MDFIC2: variants seen among roughly 807,000 people sequenced by gnomAD.
MDFIC2 encodes the protein MyoD family inhibitor domain containing 2.
At chr3:70,286,363 A>G (rs1449875927) in intron 2 of MDFIC2, among the ~76,000 whole-genome samples, 5 of 151,986 alleles carry the variant, frequency 3.3e-5, no homozygotes, top group African/African-American at 9.7e-5. Flanking sequence ...AAGATCAGAT[A>G]GTTGTAGATA....
At chr3:70,207,177 A>ATTGCCCAC (rs1701299324) in intron 2 of MDFIC2, among the ~76,000 whole-genome samples, 1 of 152,056 alleles carries the variant, frequency 6.6e-6, no homozygotes, top group Non-Finnish European at 1.5e-5. Context: ...TGTGGTGGGC[A>ATTGCCCAC]ATACTGCTGA....
chr3:70,236,299 C>T (rs1018918084), intron 2 of MDFIC2, among the ~76,000 whole-genome samples: 13 of 152,156 alleles, frequency 8.5e-5, no homozygotes, highest in Non-Finnish European at 1.8e-4. Context: ...AAACTCCCTG[C>T]ACTTAAAAAA....
At chr3:70,225,654 ACT>A (rs1209446493) in intron 2 of MDFIC2, among the ~76,000 whole-genome samples, 2 of 152,266 alleles carry the variant, frequency 1.3e-5, no homozygotes, top group African/African-American at 4.8e-5. Flanking sequence ...CACAAGAAAC[ACT>A]GTTTCCCTTC....
chr3:70,221,459 G>A (rs1199466812), intron 2 of MDFIC2, among the ~76,000 whole-genome samples: 2 of 152,040 alleles, frequency 1.3e-5, no homozygotes, highest in Non-Finnish European at 2.9e-5. Context: ...TTGAATTTGG[G>A]CATTTGGATT....
chr3:70,298,180 G>T (rs899991126), intron 2 of MDFIC2, among the ~76,000 whole-genome samples: 26 of 152,020 alleles, frequency 1.7e-4, no homozygotes, highest in Non-Finnish European at 1.3e-4. Flanking sequence ...TAGGTTTGCA[G>T]GTTTTTGATC....
At chr3:70,251,919 A>G (rs1207017282) in intron 2 of MDFIC2, among the ~76,000 whole-genome samples, 2 of 152,234 alleles carry the variant, frequency 1.3e-5, no homozygotes, top group African/African-American at 4.8e-5. Flanking sequence ...TTACACTGTA[A>G]TTATGGCAAT....
At chr3:70,300,239 T>C (rs1004042298) in intron 2 of MDFIC2, among the ~76,000 whole-genome samples, 5 of 152,130 alleles carry the variant, frequency 3.3e-5, no homozygotes, top group African/African-American at 1.2e-4. Flanking sequence ...GAAACGCCCT[T>C]GCCCTTGAGT....
At chr3:70,283,665 T>G (rs551146854) in intron 2 of MDFIC2, 1 of 152,094 alleles carries the variant, frequency 6.6e-6, no homozygotes, top group East Asian at 1.9e-4. Flanking sequence ...GGAGCTATTT[T>G]CACAATAACA....
intron 2 of MDFIC2, among the ~76,000 whole-genome samples, chr3:70,211,206 C>T (rs1039783536): frequency 6.6e-6 from 1 of 150,616 alleles, no homozygotes; most frequent in Non-Finnish European, 1.5e-5. Flanking sequence ...TTCCTTTCCC[C>T]CTTCCTTTCA....
intron 1 of MDFIC2, among the ~76,000 whole-genome samples, chr3:70,312,280 C>T (rs1228151994): frequency 1.3e-5 from 2 of 152,154 alleles, no homozygotes. Context: ...AAGAAACAAA[C>T]AAACATTCAG....
intron 2 of MDFIC2, among the ~76,000 whole-genome samples, chr3:70,306,683 A>T (rs1429154569): frequency 6.6e-6 from 1 of 152,164 alleles, no homozygotes; most frequent in Non-Finnish European, 1.5e-5. Flanking sequence ...AGAAGATTGC[A>T]AAACTACTGC....
intron 2 of MDFIC2, among the ~76,000 whole-genome samples, chr3:70,233,130 A>G (rs1701576987): frequency 1.3e-5 from 2 of 152,208 alleles, no homozygotes; most frequent in Admixed American, 1.3e-4. Context: ...CAGAGTTTGC[A>G]GTGAGCCAAG....
chr3:70,280,698 C>T (rs1191152952), intron 2 of MDFIC2, among the ~76,000 whole-genome samples: 2 of 152,120 alleles, frequency 1.3e-5, no homozygotes, highest in East Asian at 1.9e-4. Flanking sequence ...CAAGGCAGGT[C>T]TCCAAAGCCA....
chr3:70,215,080 T>A (rs1332874669), intron 2 of MDFIC2, among the ~76,000 whole-genome samples: 2 of 152,148 alleles, frequency 1.3e-5, no homozygotes, highest in Non-Finnish European at 2.9e-5. Context: ...ATATTCTCTA[T>A]TATGTTAAAA....
intron 2 of MDFIC2, among the ~76,000 whole-genome samples, chr3:70,212,674 A>G (rs902980134): frequency 6.6e-6 from 1 of 152,142 alleles, no homozygotes; most frequent in Non-Finnish European, 1.5e-5. Flanking sequence ...AATCAAAATT[A>G]TACTTTGGAC....
chr3:70,218,273 C>T (rs533786026), intron 2 of MDFIC2, among the ~76,000 whole-genome samples: 22 of 152,226 alleles, frequency 1.4e-4, no homozygotes, highest in South Asian at 6.2e-4. Flanking sequence ...TGTTTTATAA[C>T]GTATAGTACA....
chr3:70,199,284 A>G (rs1247822152), intron 3 of MDFIC2, among the ~76,000 whole-genome samples: 1 of 152,004 alleles, frequency 6.6e-6, no homozygotes, highest in East Asian at 1.9e-4. Flanking sequence ...AGAGTGTACA[A>G]CCTTTTGGTT....
intron 2 of MDFIC2, among the ~76,000 whole-genome samples, chr3:70,207,108 A>T (rs1364981696): frequency 6.6e-6 from 1 of 151,462 alleles, no homozygotes; most frequent in Non-Finnish European, 1.5e-5. Flanking sequence ...ATCTCATAGT[A>T]CATTGTCAGC....
intron 2 of MDFIC2, among the ~76,000 whole-genome samples, chr3:70,238,616 G>GA (rs144973336): frequency 1.3e-4 from 19 of 144,348 alleles, no homozygotes; most frequent in Admixed American, 2.1e-4. Flanking sequence ...TCTCAAAAAA[G>GA]AAAAAAAAAA....
Sources: allele counts gnomAD v4.1 joint callset (sites outside exome capture counted in the v4.1 genomes callset), GRCh38; gene constraint gnomAD v4.1.1; transcripts MANE v1.5; gene names NCBI Gene and HGNC (gene_info 2026-07-23, HGNC 2026-07-21).